The following ATP13A2 variants were observed in gnomAD, a reference collection of about 807,000 sequenced individuals.
ATP13A2 encodes the protein polyamine-transporting ATPase 13A2.
Under a neutral mutation model 138.3 loss-of-function variants are expected in ATP13A2, and 83 were observed. The ratio of observed to expected loss-of-function variants is 0.60; its 90% CI spans 0.50 to 0.72. The LOEUF (loss-of-function observed/expected upper bound fraction) is 0.72, where lower values mean the gene tolerates loss of function less well. Ranked by LOEUF, ATP13A2 falls within the 30% of genes least tolerant of loss-of-function variation. The probability of loss-of-function intolerance (pLI) is 0.00; values close to 1 mark genes in which losing one functional copy is unlikely to be tolerated. For missense variants in ATP13A2, 1,402 were observed against 1,606.4 expected (o/e 0.87, Z 2.17); for synonymous variants, 663 against 699.0 (o/e 0.95, Z 0.81).
chr1:16,987,301 C>T, intron 25 of ATP13A2, 32 bp from the exon 26 acceptor site: 1 of 1,605,884 alleles, frequency 6.2e-7, no homozygotes, highest in Non-Finnish European at 8.5e-7. Flanking sequence ...AGAGGGGAAA[C>T]TAAGACCTGG....
chr1:16,991,931 A>G, intron 19 of ATP13A2, 73 bp from the exon 20 acceptor site: 2 of 1,612,352 alleles, frequency 1.2e-6, no homozygotes, highest in South Asian at 2.2e-5. Context: ...CAGGCAGGGC[A>G]TCTTCCTTGG....
intron 11 of ATP13A2, among the ~76,000 whole-genome samples, chr1:16,999,536 G>A (rs1049983061): frequency 3.3e-5 from 5 of 152,120 alleles, no homozygotes; most frequent in Non-Finnish European, 7.4e-5. Flanking sequence ...ACTGAGGCAC[G>A]GAGATGATAC....
At chr1:16,999,474 T>C (rs1476196684) in intron 11 of ATP13A2, among the ~76,000 whole-genome samples, 1 of 151,448 alleles carries the variant, frequency 6.6e-6, no homozygotes, top group Non-Finnish European at 1.5e-5. Context: ...CTAAGCACTT[T>C]GCACAACTCT....
In ATP13A2 at chr1:16,990,007, G is replaced by C; in HGVS notation, c.2413-4C>G. On this transcript the variant is annotated splice_region_variant and splice_polypyrimidine_tract_variant and intron_variant, in intron 21 of 28. Coordinates refer to ENST00000326735, the MANE Select transcript of ATP13A2 (RefSeq NM_022089.4). ...AGCTTGCAGCCTGGTCAGGATCCTGGGGGCCCAGGAAGCTCAGCTTAGCTC... is the reference window on the plus strand; with the variant it reads ...AGCTTGCAGCCTGGTCAGGATCCTGCGGGCCCAGGAAGCTCAGCTTAGCTC... 6.2e-7 allele frequency: 1 copy of C among 1,612,526 alleles called. No individual in the cohort carries two copies. Among genetic ancestry groups the C allele is most frequent in the Non-Finnish European group, 8.5e-7 (1 of 1,179,328 alleles).
intron 12 of ATP13A2, chr1:16,996,757 C>T (rs747721813): frequency 9.6e-6 from 6 of 622,218 alleles, no homozygotes; most frequent in Non-Finnish European, 1.1e-5. Context: ...CCTGCCTGCC[C>T]GCTACATCCC....
chr1:17,006,760 G>A (rs778202983), intron 1 of ATP13A2, among the ~76,000 whole-genome samples: 3 of 152,126 alleles, frequency 2.0e-5, no homozygotes, highest in Non-Finnish European at 2.9e-5. Context: ...TTCCATGCCC[G>A]TGCCCAGCCC....
chr1:16,986,771 C>T lies in ATP13A2; in HGVS notation c.3235+34G>A, dbSNP rs746638178. 2.7e-5 allele frequency: 44 copies of T among 1,601,840 alleles called. No homozygotes were observed. Among genetic ancestry groups the T allele is most frequent in the African/African-American group, 6.7e-5 (5 of 74,690 alleles). On this transcript the variant is annotated intron_variant, in intron 27 of 28. Coordinates refer to ENST00000326735, the MANE Select transcript of ATP13A2 (RefSeq NM_022089.4). The surrounding 1 kb of genome is among the most constrained non-coding windows in gnomAD (Gnocchi z 6.9). ...GCACCCCAGGGCTCCTCCCTCCCTCCGCCAGCATCTCCCGCCCGCGCCCGC... is the reference window on the plus strand; with the variant it reads ...GCACCCCAGGGCTCCTCCCTCCCTCTGCCAGCATCTCCCGCCCGCGCCCGC...
chr1:16,991,903 G>C, intron 19 of ATP13A2, 45 bp from the exon 20 acceptor site: 1 of 1,613,198 alleles, frequency 6.2e-7, no homozygotes, highest in Non-Finnish European at 8.5e-7. Context: ...CAGTGGCCAG[G>C]GCCCCTCTCC....
chr1:16,987,137 T>G lies in ATP13A2; in HGVS notation c.2992A>C (p.Ser998Arg). ...AGCAGGCTGCTGAGCACGGGCACGC[T>G]GAGCAGCGCCCCCGGTGGCCGCACC... is the stretch of plus-strand genomic sequence containing the variant. The part of the protein sequence containing the change: ...GRVRPPGALL[S>R]VPVLSSLLLQ... The change falls in exon 26 of 29, where the codon AGC becomes CGC. Residue 998 changes from serine to arginine, a missense_variant. Coordinates refer to ENST00000326735, the MANE Select transcript of ATP13A2 (RefSeq NM_022089.4). 1.2e-6 allele frequency: 2 copies of G among 1,613,058 alleles called. No homozygotes were observed. Among genetic ancestry groups the G allele is most frequent in the Non-Finnish European group, 1.7e-6 (2 of 1,179,666 alleles).
Position 16,997,016 on chromosome 1 carries a change from A to T in ATP13A2, c.1195+4T>A. The T allele has an allele frequency of 6.2e-7, 1 of 1,611,604 alleles. No individual in the cohort carries two copies. Reference sequence around the variant, plus strand: ...TCTCTCAAGCCCAGCCTCCCGGCTCATACCTGTGCGGGTCACCACTGCCAG... The same window carrying T: ...TCTCTCAAGCCCAGCCTCCCGGCTCTTACCTGTGCGGGTCACCACTGCCAG... On this transcript the variant is annotated splice_donor_region_variant and intron_variant, in intron 12 of 28. Coordinates refer to ENST00000326735, the MANE Select transcript of ATP13A2 (RefSeq NM_022089.4).
Position 16,986,418 on chromosome 1 carries a change from C to A in ATP13A2, c.3405+45G>T. 6.2e-7 allele frequency: 1 copy of A among 1,605,742 alleles called. No individual in the cohort carries two copies. The highest frequency in any genetic ancestry group is 8.5e-7 in the Non-Finnish European group (1 of 1,178,216). ...GGGCTGAGCTGGGGTCAATGCACCC[C>A]CACCTCCCTTCTCTCCCGCTGCTGA... On this transcript the variant is annotated intron_variant, in intron 28 of 28. Transcript: ENST00000326735. This position sits in a 1 kb window ranked among gnomAD's most constrained non-coding sequence, Gnocchi z 6.9.
intron 20 of ATP13A2, 24 bp downstream of exon 20, chr1:16,991,710 C>G: frequency 6.2e-7 from 1 of 1,613,968 alleles, no homozygotes; most frequent in Non-Finnish European, 8.5e-7. Flanking sequence ...CCCTGCTAGC[C>G]CGGGCCCCTA....
At chr1:16,987,385 C>T (rs1028530858) in intron 25 of ATP13A2, 116 bp from the exon 26 acceptor site, 6 of 993,836 alleles carry the variant, frequency 6.0e-6, no homozygotes, top group Non-Finnish European at 1.6e-6. Context: ...AGGCATCCCC[C>T]AGTCTAATGG....
At position 16,987,355 on chromosome 1, in the gene ATP13A2, C is replaced by T. The variant is rs2076773875; in HGVS notation, c.2860-86G>A. On this transcript the variant is annotated intron_variant, in intron 25 of 28. Transcript: ENST00000326735. ...TGATAGCAGAGGCCCCACCCCTGCC[C>T]CGAAGGAATCTGATGGGTAAGGCAT... 4 of 1,276,256 alleles carry T rather than the reference C, an allele frequency of 3.1e-6. No individual in the cohort carries two copies. The African/African-American group carries it at 4.4e-5, about 14-fold the overall frequency. 79.1% of individuals were successfully genotyped at this position (1,276,256 alleles called of 1,614,324 possible).
chr1:17,004,618 G>T lies in ATP13A2; in HGVS notation c.477+74C>A. ...GAACTAAAAGGTGGTGGGAGAACAT[G>T]AAGTCTGACTCTCCCATTGCACAGA... On this transcript the variant is annotated intron_variant, in intron 5 of 28. Transcript: ENST00000326735. The surrounding 1 kb of genome is among the most constrained non-coding windows in gnomAD (Gnocchi z 4.1). 6.2e-7 allele frequency: 1 copy of T among 1,613,282 alleles called. No individual in the cohort carries two copies. Among genetic ancestry groups the T allele is most frequent in the Non-Finnish European group, 8.5e-7 (1 of 1,179,642 alleles).
chr1:16,997,584 G>A (rs1447933593), intron 11 of ATP13A2, among the ~76,000 whole-genome samples: 1 of 152,164 alleles, frequency 6.6e-6, no homozygotes, highest in Non-Finnish European at 1.5e-5. Flanking sequence ...GCTCACGCCT[G>A]TAATCCCAAC....
In ATP13A2 at chr1:16,995,301, C is replaced by T. The variant is rs1168223886; in HGVS notation, c.1542+675G>A. On this transcript the variant is annotated intron_variant, in intron 15 of 28. Transcript: ENST00000326735. This position sits in a 1 kb window ranked among gnomAD's most constrained non-coding sequence, Gnocchi z 4.1. ...CCACTGGCTTCCTTCCTAAAACCCA[C>T]TGCCCACTCCTCAGCCCCAGCAGCT... Among the ~76,000 whole-genome samples, 1 of 152,166 alleles carries T rather than the reference C, an allele frequency of 6.6e-6. No homozygotes were observed. Among genetic ancestry groups the T allele is most frequent in the Non-Finnish European group, 1.5e-5 (1 of 68,028 alleles).
chr1:17,004,638 C>A lies in ATP13A2; in HGVS notation c.477+54G>T. 2 of 1,613,762 alleles carry A rather than the reference C, an allele frequency of 1.2e-6. No homozygotes were observed. The highest frequency in any genetic ancestry group is 2.2e-5 in the South Asian group (2 of 91,086). ...AACATGAAGTCTGACTCTCCCATTGCACAGATCATGAAACCGAGGCCGAGA... is the reference window on the plus strand; with the variant it reads ...AACATGAAGTCTGACTCTCCCATTGAACAGATCATGAAACCGAGGCCGAGA... On this transcript the variant is annotated intron_variant, in intron 5 of 28. Transcript: ENST00000326735. This position sits in a 1 kb window ranked among gnomAD's most constrained non-coding sequence, Gnocchi z 4.1.
intron 11 of ATP13A2, among the ~76,000 whole-genome samples, 170 bp from the exon 12 acceptor site, chr1:16,997,345 G>C (rs1269654275): frequency 1.3e-5 from 2 of 149,488 alleles, no homozygotes; most frequent in East Asian, 2.1e-4. Flanking sequence ...GAGGCTCAGA[G>C]AGGACGGAGA....
Sources: gnomAD v4.1 joint callset for allele counts (sites outside exome capture counted in the v4.1 genomes callset) on GRCh38, gnomAD v4.1.1 for gene constraint, Gnocchi (gnomAD v3.1) non-coding constraint, MANE v1.5 for transcripts, NCBI Gene and HGNC (gene_info 2026-07-23, HGNC 2026-07-21) for gene names.